Variants in JAZF1 observed in about 807,000 individuals in gnomAD.
JAZF1 encodes the protein juxtaposed with another zinc finger protein 1.
JAZF1 carries 8 observed loss-of-function variants against 26.4 expected under a neutral mutation model. That is an observed-to-expected ratio of 0.30 (90% CI 0.18 to 0.55). JAZF1 has a LOEUF of 0.55. JAZF1 is among the 20% of genes least tolerant of loss of function. The pLI is 0.94. For missense variants in JAZF1, 199 were observed against 322.0 expected (o/e 0.62, Z 2.92); for synonymous variants, 126 against 122.3 (o/e 1.03, Z -0.20).
chr7:27,832,700 T>G lies in JAZF1; in HGVS notation c.*100A>C. On this transcript the variant is annotated 3_prime_UTR_variant, in exon 5 of 5. Coordinates refer to ENST00000283928, the MANE Select transcript of JAZF1 (RefSeq NM_175061.4). The stretch of plus-strand genomic sequence containing the variant: ...TTTAAAGCATGCATTTAATTCTTTT[T>G]CTTTAAAGGGTTGCTGAATGCTTCC... 1 of 982,614 alleles carries G rather than the reference T, an allele frequency of 1.0e-6. No individual in the cohort carries two copies. The highest frequency in any genetic ancestry group is 1.5e-6 in the Non-Finnish European group (1 of 683,168). 60.9% of individuals were successfully genotyped at this position (982,614 alleles called of 1,614,324 possible).
intron 2 of JAZF1, among the ~76,000 whole-genome samples, chr7:27,983,655 C>T (rs1342678538): frequency 1.3e-5 from 2 of 152,116 alleles, no homozygotes; most frequent in Non-Finnish European, 2.9e-5. Context: ...TTGTCAGATT[C>T]ACAAAAGTTG....
At chr7:27,874,076 T>A (rs1005496929) in intron 3 of JAZF1, among the ~76,000 whole-genome samples, 1 of 152,220 alleles carries the variant, frequency 6.6e-6, no homozygotes, top group Non-Finnish European at 1.5e-5. Context: ...TTTGGAGGAA[T>A]CTTAAACCAT....
At chr7:28,068,605 A>G (rs1008546588) in intron 1 of JAZF1, among the ~76,000 whole-genome samples, 1 of 152,224 alleles carries the variant, frequency 6.6e-6, no homozygotes, top group Non-Finnish European at 1.5e-5. Context: ...CAAGAGCAGG[A>G]AAAGTAAAGC....
intron 1 of JAZF1, among the ~76,000 whole-genome samples, chr7:28,138,357 AATTT>A (rs1222072831): frequency 1.3e-5 from 2 of 152,198 alleles, no homozygotes; most frequent in Non-Finnish European, 2.9e-5. Flanking sequence ...ACTATTAATT[AATTT>A]ATGTATTGCC....
chr7:27,875,475 A>C (rs1419278685), intron 3 of JAZF1, among the ~76,000 whole-genome samples: 1 of 152,186 alleles, frequency 6.6e-6, no homozygotes, highest in Non-Finnish European at 1.5e-5. Flanking sequence ...TCAACGTAGC[A>C]AAAAGTGCCA....
chr7:28,037,878 G>A (rs997670959), intron 1 of JAZF1, among the ~76,000 whole-genome samples: 2 of 152,278 alleles, frequency 1.3e-5, no homozygotes, highest in East Asian at 3.9e-4. Context: ...TATCACAGAT[G>A]TCTCCAGGTA....
intron 1 of JAZF1, among the ~76,000 whole-genome samples, chr7:28,160,764 C>T (rs1783272120): frequency 6.6e-6 from 1 of 152,148 alleles, no homozygotes; most frequent in Admixed American, 6.5e-5. Context: ...CATGCTGCAT[C>T]AGGTGATCAT....
chr7:28,071,846 C>T (rs945204561), intron 1 of JAZF1, among the ~76,000 whole-genome samples: 6 of 152,140 alleles, frequency 3.9e-5, no homozygotes, highest in African/African-American at 9.7e-5. Flanking sequence ...CTGTTTCAAG[C>T]GATTCCATGT....
intron 1 of JAZF1, among the ~76,000 whole-genome samples, chr7:28,157,323 G>A (rs1014384618): frequency 6.6e-6 from 1 of 152,234 alleles, no homozygotes; most frequent in East Asian, 1.9e-4. Context: ...CCTTTGTAAA[G>A]AGCCAGACAG....
rs554406209 is a variant in JAZF1, at chr7:28,116,608, A to C, written c.115+63855T>G. ...CAGGCACGTGCCACTACGCCCGGCT[A>C]ATTTTTTGTATCTTTAGCAGAGACG... On this transcript the variant is annotated intron_variant, in intron 1 of 4. Transcript: ENST00000283928. Among the ~76,000 whole-genome samples, 6 of 147,420 alleles carry C rather than the reference A, an allele frequency of 4.1e-5. No homozygotes were observed. The East Asian group carries it at 1.6e-3, about 39-fold the overall frequency.
At chr7:27,986,146 T>A (rs960061528) in intron 2 of JAZF1, among the ~76,000 whole-genome samples, 5 of 152,292 alleles carry the variant, frequency 3.3e-5, no homozygotes, top group African/African-American at 1.2e-4. Flanking sequence ...TAAAGGGTAT[T>A]CAATTAGGAA....
intron 1 of JAZF1, chr7:28,180,222 GCCGC>G (rs1242894654): frequency 1.6e-4 from 10 of 64,384 alleles, no homozygotes; most frequent in African/African-American, 2.4e-4. Context: ...GAGTCCCCCA[GCCGC>G]CCGCCCGCCC....
At position 28,035,417 on chromosome 7, in the gene JAZF1, T is replaced by TA. The variant is rs76227018; in HGVS notation, c.116-43437dup. On this transcript the variant is annotated intron_variant, in intron 1 of 4. Coordinates refer to ENST00000283928, the MANE Select transcript of JAZF1 (RefSeq NM_175061.4). The stretch of plus-strand genomic sequence containing the variant: ...CAGTGTGGCATTAATCTCAAGTAAG[T>TA]AAAAAAAACAGGAAAAGAATGAGAA... 0.028 allele frequency among the ~76,000 whole-genome samples: 4,004 copies of TA among 143,370 alleles called. 329 individuals are homozygous for TA. The East Asian group carries it at 0.33, about 12-fold the overall frequency. The allele number at this position is 143,370 out of a possible 152,430, so 94.1% of individuals were successfully genotyped here.
intron 1 of JAZF1, among the ~76,000 whole-genome samples, chr7:28,012,685 A>G (rs531707635): frequency 2.6e-5 from 4 of 152,158 alleles, no homozygotes; most frequent in Non-Finnish European, 5.9e-5. Context: ...GTCAAAGGGT[A>G]TGTCAGCCAC....
intron 1 of JAZF1, among the ~76,000 whole-genome samples, chr7:27,993,606 T>C (rs923337432): frequency 5.3e-5 from 8 of 152,178 alleles, no homozygotes; most frequent in Admixed American, 5.2e-4. Flanking sequence ...GGGTGGGCCA[T>C]TTGTGCAAAT....
At chr7:28,159,277 AC>A (rs1783240819) in intron 1 of JAZF1, among the ~76,000 whole-genome samples, 2 of 152,020 alleles carry the variant, frequency 1.3e-5, no homozygotes, top group Admixed American at 6.6e-5. Context: ...AACTCCCTGT[AC>A]TACTTTTGCA....
At chr7:27,979,707 C>T (rs1185782517) in intron 2 of JAZF1, among the ~76,000 whole-genome samples, 1 of 152,088 alleles carries the variant, frequency 6.6e-6, no homozygotes, top group Non-Finnish European at 1.5e-5. Context: ...CTGCCTTTGC[C>T]CTGCAGCTCC....
At chr7:28,118,881 C>T (rs1784793371) in intron 1 of JAZF1, among the ~76,000 whole-genome samples, 1 of 152,048 alleles carries the variant, frequency 6.6e-6, no homozygotes, top group African/African-American at 2.4e-5. Flanking sequence ...TCATTAGACA[C>T]AAATTATAAA....
At chr7:28,143,497 T>A (rs1013070120) in intron 1 of JAZF1, among the ~76,000 whole-genome samples, 8 of 152,280 alleles carry the variant, frequency 5.3e-5, no homozygotes, top group Middle Eastern at 3.4e-3. Context: ...TCCCATTCCA[T>A]GCAGGTACAC....
Sources: allele counts gnomAD v4.1 joint callset (sites outside exome capture counted in the v4.1 genomes callset), GRCh38; gene constraint gnomAD v4.1.1; transcripts MANE v1.5; gene names NCBI Gene and HGNC (gene_info 2026-07-23, HGNC 2026-07-21).